GOLT1B: variants seen among roughly 807,000 people sequenced by gnomAD.
The protein encoded by GOLT1B is vesicle transport protein GOT1B.
GOLT1B carries 3 observed loss-of-function variants against 15.4 expected under a neutral mutation model. That is an observed-to-expected ratio of 0.19 (90% CI 0.09 to 0.50). The LOEUF (loss-of-function observed/expected upper bound fraction) is 0.50, where lower values mean the gene tolerates loss of function less well. Among genes scored for constraint, GOLT1B ranks in the 20% least tolerant of loss-of-function variants. The probability of loss-of-function intolerance (pLI) is 0.97; values close to 1 mark genes in which losing one functional copy is unlikely to be tolerated. For missense variants in GOLT1B, 145 were observed against 160.4 expected (o/e 0.90, Z 0.52); for synonymous variants, 65 against 56.2 (o/e 1.16, Z -0.70).
chr12:21,513,172 T>C (rs1943732442), intron 4 of GOLT1B, among the ~76,000 whole-genome samples: 1 of 152,158 alleles, frequency 6.6e-6, no homozygotes, highest in Non-Finnish European at 1.5e-5. Flanking sequence ...TGAACAAGCT[T>C]GTCAAATTTG....
At chr12:21,513,543 G>A (rs1489057408) in intron 4 of GOLT1B, among the ~76,000 whole-genome samples, 1 of 151,808 alleles carries the variant, frequency 6.6e-6, no homozygotes, top group Non-Finnish European at 1.5e-5. Context: ...AAACTCTTGG[G>A]CTCAAGCAAT....
At position 21,515,994 on chromosome 12, in the gene GOLT1B, A is replaced by G; in HGVS notation, c.*287A>G. The G allele has an allele frequency of 3.4e-6, 1 of 295,100 alleles. No individual in the cohort carries two copies. The highest frequency in any genetic ancestry group is 6.9e-5 in the East Asian group (1 of 14,564). 18.3% of individuals were successfully genotyped at this position (295,100 alleles called of 1,614,324 possible). A position where few individuals can be genotyped will look rare whatever the true frequency, so the allele number is the denominator to read the frequency against. ...AGGCTATTTGTGTTGTTTTTCCACA[A>G]TGTGCGAAACTCAGCCATCCTTAGA... On this transcript the variant is annotated 3_prime_UTR_variant, in exon 5 of 5. Coordinates refer to ENST00000229314, the MANE Select transcript of GOLT1B (RefSeq NM_016072.5).
Position 21,515,331 on chromosome 12 carries a change from TTA to T in GOLT1B, c.379-336_379-335del, listed in dbSNP as rs913568640. ...TGAATGGCTGACATTTCAGTTTTTT[TTA>T]TGTTTTTATTTTTTATTTTTTGTTA... On this transcript the variant is annotated intron_variant, in intron 4 of 4. Coordinates refer to ENST00000229314, the MANE Select transcript of GOLT1B (RefSeq NM_016072.5). 7 of 790,364 alleles carry T rather than the reference TTA, an allele frequency of 8.9e-6. No individual in the cohort carries two copies. The African/African-American group carries it at 1.2e-4, about 14-fold the overall frequency. 49.0% of individuals were successfully genotyped at this position (790,364 alleles called of 1,614,324 possible). A position where few individuals can be genotyped will look rare whatever the true frequency, so the allele number is the denominator to read the frequency against.
chr12:21,515,562 A>G lies in GOLT1B; in HGVS notation c.379-107A>G, dbSNP rs1202622675. 3.2e-5 allele frequency: 22 copies of G among 689,558 alleles called. No homozygotes were observed. The East Asian group carries it at 4.6e-4, about 14-fold the overall frequency. 42.7% of individuals were successfully genotyped at this position (689,558 alleles called of 1,614,324 possible). Reference sequence around the variant, plus strand: ...GTCAGTCATACCTTAAATTTCCACAACTCTTCTTGTAAGGCTGGGTTTTTA... The same window carrying G: ...GTCAGTCATACCTTAAATTTCCACAGCTCTTCTTGTAAGGCTGGGTTTTTA... On this transcript the variant is annotated intron_variant, in intron 4 of 4. Transcript: ENST00000229314.
chr12:21,509,761 G>A (rs576369183), intron 3 of GOLT1B, among the ~76,000 whole-genome samples: 10 of 152,140 alleles, frequency 6.6e-5, no homozygotes, highest in Non-Finnish European at 1.5e-4. Flanking sequence ...ACGAGAAAGG[G>A]AACGACAGTT....
intron 1 of GOLT1B, among the ~76,000 whole-genome samples, chr12:21,502,642 C>G (rs1322316693): frequency 3.3e-5 from 5 of 152,172 alleles, no homozygotes; most frequent in African/African-American, 9.7e-5. Flanking sequence ...TCGCTCTCTG[C>G]CTGCCACAGA....
intron 2 of GOLT1B, 58 bp from the exon 3 acceptor site, chr12:21,508,325 A>C (rs1158671743): frequency 9.6e-7 from 1 of 1,038,708 alleles, no homozygotes; most frequent in Non-Finnish European, 1.4e-6. Context: ...CTTTACGTTT[A>C]AAATTTATGC....
intron 3 of GOLT1B, among the ~76,000 whole-genome samples, chr12:21,510,915 G>A (rs1277387862): frequency 6.6e-6 from 1 of 151,944 alleles, no homozygotes; most frequent in South Asian, 2.1e-4. Context: ...TTCTGTACTC[G>A]TCTTACCACA....
At chr12:21,505,597 A>C (rs11046090) in intron 1 of GOLT1B, among the ~76,000 whole-genome samples, 34,614 of 152,096 alleles carry the variant, frequency 0.23, 5,727 homozygotes, top group African/African-American at 0.46. Flanking sequence ...GAAATTGAGC[A>C]GGTGGGGAAT....
Position 21,506,922 on chromosome 12 carries a change from C to T in GOLT1B, c.63C>T (p.Phe21=), listed in dbSNP as rs1404423069. ...GATTAACAGGATTTGGAGTGTTTTT[C>T]CTGTTCTTTGGAATGATTCTCTTTT... ...GMGLTGFGVF[F]LFFGMILFFD... is the part of the protein sequence containing the mutation. Residue 21 remains phenylalanine, a synonymous_variant, in exon 2 of 5, where the codon TTC becomes TTT. Coordinates refer to ENST00000229314, the MANE Select transcript of GOLT1B (RefSeq NM_016072.5). 1.3e-6 allele frequency: 2 copies of T among 1,515,480 alleles called. No individual in the cohort carries two copies. The highest frequency in any genetic ancestry group is 1.8e-6 in the Non-Finnish European group (2 of 1,092,814). The allele number at this position is 1,515,480 out of a possible 1,614,324, so 93.9% of individuals were successfully genotyped here.
In GOLT1B at chr12:21,515,783, T is replaced by A; in HGVS notation, c.*76T>A. 1 of 732,074 alleles carries A rather than the reference T, an allele frequency of 1.4e-6. No homozygotes were observed. The allele number at this position is 732,074 out of a possible 1,614,324, so 45.3% of individuals were successfully genotyped here. A position where few individuals can be genotyped will look rare whatever the true frequency, so the allele number is the denominator to read the frequency against. ...CATTTGAAGAATATTCAGCACAAAA[T>A]TAAATTACATGAAATAGCTTGTAAT... On this transcript the variant is annotated 3_prime_UTR_variant, in exon 5 of 5. Transcript: ENST00000229314.
At chr12:21,508,650 G>A in intron 3 of GOLT1B, 89 bp downstream of exon 3, 2 of 700,184 alleles carry the variant, frequency 2.9e-6, no homozygotes, top group South Asian at 3.4e-5. Context: ...GGAGTAAGAT[G>A]ATGATCATTT....
intron 1 of GOLT1B, among the ~76,000 whole-genome samples, chr12:21,503,544 G>A (rs529344381): frequency 6.1e-4 from 93 of 152,302 alleles, no homozygotes; most frequent in African/African-American, 2.0e-3. Context: ...AGTGGGTTTG[G>A]ACTATGGGCA....
At position 21,513,094 on chromosome 12, in the gene GOLT1B, A is replaced by G. The variant is rs555082895; in HGVS notation, c.378+718A>G. 9.4e-5 allele frequency among the ~76,000 whole-genome samples: 13 copies of G among 138,840 alleles called. No individual in the cohort carries two copies. In the Middle Eastern group the frequency reaches 0.015, roughly 159 times the overall value. The allele number at this position is 138,840 out of a possible 152,430, so 91.1% of individuals were successfully genotyped here. A position where few individuals can be genotyped will look rare whatever the true frequency, so the allele number is the denominator to read the frequency against. On this transcript the variant is annotated intron_variant, in intron 4 of 4. Coordinates refer to ENST00000229314, the MANE Select transcript of GOLT1B (RefSeq NM_016072.5). ...TCAAAAAAAAAAAAAAAAAAAAAAG[A>G]GTTGAATAAAGCACTATTATACTGG... is the stretch of plus-strand genomic sequence containing the variant.
In GOLT1B at chr12:21,512,351, T is replaced by C; in HGVS notation, c.353T>C (p.Leu118Pro). 1 of 1,549,468 alleles carries C rather than the reference T, an allele frequency of 6.5e-7. No homozygotes were observed. Among genetic ancestry groups the C allele is most frequent in the Non-Finnish European group, 8.9e-7 (1 of 1,121,654 alleles). Residue 118 changes from leucine to proline, a missense_variant, in exon 4 of 5, where the codon CTC becomes CCC. Coordinates refer to ENST00000229314, the MANE Select transcript of GOLT1B (RefSeq NM_016072.5). Reference protein sequence around the residue: ...FIRRVPVLGSLLNLPGIRSFV... With the variant: ...FIRRVPVLGSPLNLPGIRSFV... ...AGAAGAGTGCCAGTCCTTGGATCCC[T>C]CCTAAATTTACCTGGAATTAGATCA...
intron 1 of GOLT1B, chr12:21,504,725 T>C (rs1943667227): frequency 2.4e-6 from 1 of 411,800 alleles, no homozygotes; most frequent in Non-Finnish European, 4.9e-6. Context: ...CACAATTTTG[T>C]TAAAGAAATT....
chr12:21,507,349 A>G, intron 2 of GOLT1B: 1 of 209,242 alleles, frequency 4.8e-6, no homozygotes, highest in South Asian at 6.9e-5. Flanking sequence ...GCTGCATAAG[A>G]TAGATTTTTT....
intron 1 of GOLT1B, 129 bp downstream of exon 1, chr12:21,502,077 G>A (rs1943632915): frequency 2.7e-6 from 2 of 732,728 alleles, no homozygotes; most frequent in African/African-American, 1.7e-5. Flanking sequence ...ACAGAGCTAG[G>A]GCTGCTGGGA....
At chr12:21,511,010 C>G (rs950637503) in intron 3 of GOLT1B, among the ~76,000 whole-genome samples, 2 of 152,196 alleles carry the variant, frequency 1.3e-5, no homozygotes, top group Non-Finnish European at 2.9e-5. Flanking sequence ...CAGACAACAG[C>G]TGGGTGTCCT....
Sources: allele counts gnomAD v4.1 joint callset (sites outside exome capture counted in the v4.1 genomes callset), GRCh38; gene constraint gnomAD v4.1.1; transcripts MANE v1.5; gene names NCBI Gene and HGNC (gene_info 2026-07-23, HGNC 2026-07-21).